The following GPC5 variants were observed in gnomAD, a reference collection of about 807,000 sequenced individuals.
GPC5 encodes the protein glypican-5.
In GPC5, 47 loss-of-function variants were observed where a neutral mutation model predicts 53.9. The observed-to-expected ratio is 0.87, with a 90% CI of 0.69 to 1.11. GPC5 has a LOEUF of 1.11. Ranked by LOEUF, GPC5 falls within the 50% of genes most tolerant of loss-of-function variation. GPC5 has a pLI of 0.00. For synonymous variants in GPC5, 286 were observed against 263.3 expected, an observed-to-expected ratio of 1.09 and a Z score of -0.84; for missense variants, 748 against 713.1, an observed-to-expected ratio of 1.05 and a Z score of -0.56.
At chr13:92,773,519 T>C (rs1875686336) in intron 7 of GPC5, among the ~76,000 whole-genome samples, 1 of 152,244 alleles carries the variant, frequency 6.6e-6, no homozygotes, top group Non-Finnish European at 1.5e-5. Context: ...TGATTATCTA[T>C]ATCTTTGTCA....
chr13:92,067,769 A>C (rs571212330), intron 6 of GPC5, among the ~76,000 whole-genome samples: 44 of 152,116 alleles, frequency 2.9e-4, no homozygotes, highest in African/African-American at 1.1e-3. Context: ...TCCATCTCAC[A>C]CATGTATCTG....
rs187573315 is a variant in GPC5 at position 91,458,113 on chromosome 13, A to G, written c.325+9191A>G. Among the ~76,000 whole-genome samples, 279 of 152,216 alleles carry G rather than the reference A, an allele frequency of 1.8e-3. 1 individual carries two copies. Among genetic ancestry groups the G allele is most frequent in the African/African-American group, 5.1e-3 (211 of 41,554 alleles). On this transcript the variant is annotated intron_variant, in intron 2 of 7. Transcript: ENST00000377067. ...GGGAAGAAGTGGCATTTCAGCAAAA[A>G]TTTGAAGAGAGTGAAGGAGTTAGTC... is the stretch of plus-strand genomic sequence containing the variant.
At chr13:92,605,037 G>A (rs942256897) in intron 7 of GPC5, among the ~76,000 whole-genome samples, 33 of 152,270 alleles carry the variant, frequency 2.2e-4, no homozygotes, top group Non-Finnish European at 1.6e-4. Flanking sequence ...TCTCCCAGAC[G>A]AATTGCTGAA....
chr13:92,023,129 A>T (rs2040772677), intron 6 of GPC5, among the ~76,000 whole-genome samples: 1 of 152,100 alleles, frequency 6.6e-6, no homozygotes, highest in Non-Finnish European at 1.5e-5. Flanking sequence ...GACAGTGTTA[A>T]GTTTTCCAAG....
chr13:92,088,384 C>T (rs932883326), intron 6 of GPC5, among the ~76,000 whole-genome samples: 3 of 152,052 alleles, frequency 2.0e-5, no homozygotes, highest in Admixed American at 6.5e-5. Flanking sequence ...GATTGGGGGA[C>T]GGGGGAAAAG....
At chr13:92,738,118 C>T (rs2139307152) in intron 7 of GPC5, among the ~76,000 whole-genome samples, 1 of 152,010 alleles carries the variant, frequency 6.6e-6, no homozygotes, top group South Asian at 2.1e-4. Context: ...TAAGTGTCAC[C>T]TCTAAAATGT....
intron 1 of GPC5, among the ~76,000 whole-genome samples, chr13:91,442,648 T>C (rs563248495): frequency 2.0e-5 from 3 of 152,224 alleles, no homozygotes; most frequent in Non-Finnish European, 4.4e-5. Flanking sequence ...AAAATGTTCC[T>C]TAGTGCTTTG....
At chr13:92,195,414 C>A (rs1156274890) in intron 7 of GPC5, among the ~76,000 whole-genome samples, 1 of 152,246 alleles carries the variant, frequency 6.6e-6, no homozygotes, top group Admixed American at 6.5e-5. Context: ...TTTAAAATAA[C>A]CCCTTGAGTT....
chr13:91,694,973 A>G (rs1458243347), intron 3 of GPC5, among the ~76,000 whole-genome samples: 1 of 152,184 alleles, frequency 6.6e-6, no homozygotes, highest in East Asian at 1.9e-4. Context: ...GAATCTGAAA[A>G]GCTTTATGTC....
At chr13:92,092,227 C>T (rs1275293483) in intron 6 of GPC5, among the ~76,000 whole-genome samples, 1 of 152,204 alleles carries the variant, frequency 6.6e-6, no homozygotes, top group Non-Finnish European at 1.5e-5. Context: ...CTTAGGCTCT[C>T]TGCATGCCTC....
intron 7 of GPC5, among the ~76,000 whole-genome samples, chr13:92,840,804 T>A (rs1878407670): frequency 6.6e-6 from 1 of 152,136 alleles, no homozygotes; most frequent in African/African-American, 2.4e-5. Flanking sequence ...GTTTTCAGTG[T>A]ACAAGTCTTT....
intron 2 of GPC5, among the ~76,000 whole-genome samples, chr13:91,476,315 G>A (rs1042729133): frequency 5.3e-5 from 8 of 152,130 alleles, no homozygotes; most frequent in Non-Finnish European, 7.4e-5. Context: ...GATAATCTTC[G>A]AAGGAGGGAA....
intron 2 of GPC5, among the ~76,000 whole-genome samples, chr13:91,666,236 A>G (rs914094227): frequency 2.6e-5 from 4 of 152,226 alleles, no homozygotes; most frequent in African/African-American, 9.6e-5. Flanking sequence ...ATCTCTCAAG[A>G]GAATGAGTTG....
intron 7 of GPC5, among the ~76,000 whole-genome samples, chr13:92,423,363 A>G (rs529384060): frequency 1.3e-5 from 2 of 152,312 alleles, no homozygotes; most frequent in East Asian, 3.9e-4. Flanking sequence ...ACAGTTTTTG[A>G]GTGTTTTAAC....
At chr13:91,891,736 T>C (rs2039388639) in intron 5 of GPC5, among the ~76,000 whole-genome samples, 1 of 152,166 alleles carries the variant, frequency 6.6e-6, no homozygotes, top group Non-Finnish European at 1.5e-5. Flanking sequence ...TCAGTTACTT[T>C]ATCTCATGTG....
intron 2 of GPC5, among the ~76,000 whole-genome samples, chr13:91,581,684 TA>T (rs1350545256): frequency 6.6e-6 from 1 of 152,220 alleles, no homozygotes; most frequent in Non-Finnish European, 1.5e-5. Context: ...TCTTATACTC[TA>T]AAAATGATTA....
intron 7 of GPC5, among the ~76,000 whole-genome samples, chr13:92,352,859 G>A (rs1418972024): frequency 6.6e-6 from 1 of 152,170 alleles, no homozygotes; most frequent in Non-Finnish European, 1.5e-5. Flanking sequence ...ATATCCAAGA[G>A]CAACACCTGC....
chr13:92,061,042 T>C (rs1398597060), intron 6 of GPC5, among the ~76,000 whole-genome samples: 2 of 151,864 alleles, frequency 1.3e-5, no homozygotes, highest in African/African-American at 2.4e-5. Flanking sequence ...GGAATTACTT[T>C]TGGATTTGGA....
intron 6 of GPC5, among the ~76,000 whole-genome samples, chr13:92,083,917 A>G (rs1208246173): frequency 1.3e-5 from 2 of 152,352 alleles, no homozygotes; most frequent in African/African-American, 2.4e-5. Context: ...TGTGGTACAT[A>G]TACTCCATGG....
Sources: allele counts gnomAD v4.1 joint callset (sites outside exome capture counted in the v4.1 genomes callset), GRCh38; gene constraint gnomAD v4.1.1; transcripts MANE v1.5; gene names NCBI Gene and HGNC (gene_info 2026-07-23, HGNC 2026-07-21).